GPR61: variants seen among roughly 807,000 people sequenced by gnomAD.
GPR61 encodes the protein G-protein coupled receptor 61.
GPR61 carries 15 observed loss-of-function variants against 29.2 expected under a neutral mutation model. The ratio of observed to expected loss-of-function variants is 0.51; its 90% CI spans 0.34 to 0.79. GPR61 has a LOEUF of 0.79. Among genes scored for constraint, GPR61 ranks in the 30% least tolerant of loss-of-function variants. GPR61 has a pLI of 0.01. For missense variants in GPR61, 399 were observed against 582.5 expected (o/e 0.69, Z 3.24); for synonymous variants, 238 against 242.3 (o/e 0.98, Z 0.17).
chr1:109,540,350 C>T (rs941332796), intron 1 of GPR61, among the ~76,000 whole-genome samples: 4 of 152,186 alleles, frequency 2.6e-5, no homozygotes, highest in Non-Finnish European at 4.4e-5. Context: ...TGGAAATCTT[C>T]CCTAGCTTAG....
chr1:109,544,110 C>T lies in GPR61; in HGVS notation c.1088C>T (p.Ala363Val). 6.2e-7 allele frequency: 1 copy of T among 1,614,224 alleles called. No individual in the cohort carries two copies. The highest frequency in any genetic ancestry group is 1.1e-5 in the South Asian group (1 of 91,090). ...CAGTTTGTCTGCTTCTTCAAGCCAG[C>T]TCCAGAGGAGGAGCTGAGGCTGCCT... ...SKQFVCFFKPAPEEELRLPSR... is the reference protein window; with the variant it reads ...SKQFVCFFKPVPEEELRLPSR... Residue 363 changes from alanine to valine, a missense_variant, in exon 2 of 2, where the codon GCT becomes GTT. Ala to Val is a moderately conservative substitution (Grantham distance 64). This residue lies in a region of GPR61 where 320 missense variants were observed against 459.8 expected (regional missense o/e 0.70). Transcript: ENST00000527748. The surrounding 1 kb of genome is among the most constrained non-coding windows in gnomAD (Gnocchi z 4.6).
intron 1 of GPR61, among the ~76,000 whole-genome samples, chr1:109,542,168 G>A (rs969430600): frequency 1.3e-4 from 20 of 152,182 alleles, no homozygotes; most frequent in Non-Finnish European, 2.5e-4. Flanking sequence ...CTAGCTGTGC[G>A]ACCTTGGGTA....
In GPR61 at chr1:109,544,512, T is replaced by A. The variant is rs1647741919; in HGVS notation, c.*134T>A. 2 of 671,922 alleles carry A rather than the reference T, an allele frequency of 3.0e-6. No individual in the cohort carries two copies. Among genetic ancestry groups the A allele is most frequent in the East Asian group, 5.5e-5 (2 of 36,652 alleles). 41.6% of individuals were successfully genotyped at this position (671,922 alleles called of 1,614,324 possible). ...CTGCACACAGCTTTTGCTTAGTGTTTCCTGGGTCAGGAACAGAGCCAACAG... is the reference window on the plus strand; with the variant it reads ...CTGCACACAGCTTTTGCTTAGTGTTACCTGGGTCAGGAACAGAGCCAACAG... On this transcript the variant is annotated 3_prime_UTR_variant, in exon 2 of 2. Transcript: ENST00000527748. The surrounding 1 kb of genome is among the most constrained non-coding windows in gnomAD (Gnocchi z 4.6).
chr1:109,540,514 C>T (rs1647599572), intron 1 of GPR61, among the ~76,000 whole-genome samples: 1 of 152,212 alleles, frequency 6.6e-6, no homozygotes, highest in Non-Finnish European at 1.5e-5. Context: ...GACCATGCCC[C>T]TGCTAGAGGC....
Position 109,543,886 on chromosome 1 carries a change from TCTC to T in GPR61, c.867_869del (p.Leu290del). The T allele has an allele frequency of 1.2e-6, 2 of 1,613,592 alleles. No homozygotes were observed. Among genetic ancestry groups the T allele is most frequent in the South Asian group, 2.2e-5 (2 of 91,090 alleles). On this transcript the variant is annotated inframe_deletion, in exon 2 of 2. Coordinates refer to ENST00000527748, the MANE Select transcript of GPR61 (RefSeq NM_001393907.1). This position sits in a 1 kb window ranked among gnomAD's most constrained non-coding sequence, Gnocchi z 6.8. ...TTGGGGGAGGGAAAGCAGCAGTGGT[TCTC>T]CTGGCTGTGGGGGGACAGTTCCTGC...
Position 109,543,703 on chromosome 1 carries a change from C to T in GPR61, c.681C>T (p.Val227=). ...TGCCCCTGCTCCTCATACTTGTGGTCTACTGCAGCATGTTCCGAGTGGCCC... is the reference window on the plus strand; with the variant it reads ...TGCCCCTGCTCCTCATACTTGTGGTTTACTGCAGCATGTTCCGAGTGGCCC... ...FLLPLLLILV[V]YCSMFRVARV... The change falls in exon 2 of 2, where the codon GTC becomes GTT. Residue 227 remains valine, a synonymous_variant. Coordinates refer to ENST00000527748, the MANE Select transcript of GPR61 (RefSeq NM_001393907.1). This position sits in a 1 kb window ranked among gnomAD's most constrained non-coding sequence, Gnocchi z 6.8. The T allele has an allele frequency of 3.1e-6, 5 of 1,613,684 alleles. No homozygotes were observed. The highest frequency in any genetic ancestry group is 1.6e-4 in the Middle Eastern group (1 of 6,062).
At position 109,539,892 on chromosome 1, in the gene GPR61, AG is replaced by A. The variant is rs1647581952; in HGVS notation, c.-662del. On this transcript the variant is annotated 5_prime_UTR_variant, in exon 1 of 2. Transcript: ENST00000527748. The stretch of plus-strand genomic sequence containing the variant: ...TCACTGCAGTGCTTCAGGCTTCAGC[AG>A]CCTTGGAGAAGCATCAGCTGAGAGG... 6.6e-6 allele frequency: 1 copy of A among 152,230 alleles called. No homozygotes were observed. Among genetic ancestry groups the A allele is most frequent in the Admixed American group, 6.5e-5 (1 of 15,286 alleles). The allele number at this position is 152,230 out of a possible 1,614,324, so 9.4% of individuals were successfully genotyped here. A position where few individuals can be genotyped will look rare whatever the true frequency, so the allele number is the denominator to read the frequency against.
At position 109,546,122 on chromosome 1, in the gene GPR61, T is replaced by C. The variant is rs569583933; in HGVS notation, c.*1744T>C. The C allele has an allele frequency of 5.3e-5, 8 of 152,146 alleles. No individual in the cohort carries two copies. Among genetic ancestry groups the C allele is most frequent in the African/African-American group, 1.9e-4 (8 of 41,430 alleles). The allele number at this position is 152,146 out of a possible 1,614,324, so 9.4% of individuals were successfully genotyped here. On this transcript the variant is annotated 3_prime_UTR_variant, in exon 2 of 2. Transcript: ENST00000527748. Reference sequence around the variant, plus strand: ...AGCTTCCTGCAGATTGTGGAAAGCATAGGGGTTGTAAATGAAACTCTCTAA... The same window carrying C: ...AGCTTCCTGCAGATTGTGGAAAGCACAGGGGTTGTAAATGAAACTCTCTAA...
chr1:109,542,728 G>C lies in GPR61; in HGVS notation c.-295G>C, dbSNP rs537465757. ...AAAAGGAAGAGGTGAAGGCCATTCC[G>C]AAAGCGGAGTGTTGAGTGGGTCAGG... On this transcript the variant is annotated 5_prime_UTR_variant, in exon 2 of 2. Transcript: ENST00000527748. 1 of 617,562 alleles carries C rather than the reference G, an allele frequency of 1.6e-6. No individual in the cohort carries two copies. The highest frequency in any genetic ancestry group is 3.4e-5 in the East Asian group (1 of 29,108). The allele number at this position is 617,562 out of a possible 1,614,324, so 38.3% of individuals were successfully genotyped here.
chr1:109,540,117 T>C (rs553922620), intron 1 of GPR61, 164 bp downstream of exon 1: 3 of 152,192 alleles, frequency 2.0e-5, no homozygotes, highest in African/African-American at 7.2e-5. Context: ...AAAGGCGGTA[T>C]TGGGGTGTGG....
intron 1 of GPR61, among the ~76,000 whole-genome samples, chr1:109,540,808 G>A (rs1218640187): frequency 2.0e-5 from 3 of 152,218 alleles, no homozygotes; most frequent in East Asian, 3.8e-4. Context: ...GCATTTAGGA[G>A]TCACTGTGGA....
Position 109,542,873 on chromosome 1 carries a change from C to T in GPR61, c.-150C>T, listed in dbSNP as rs763826880. ...CAGCTGCCTGGCCTGGCGCTCTGTA[C>T]GCAGACAAACCTGCCCAAGAGGCTC... is the stretch of plus-strand genomic sequence containing the variant. On this transcript the variant is annotated 5_prime_UTR_variant, in exon 2 of 2. The change creates a new upstream start codon in the 5' untranslated region. Coordinates refer to ENST00000527748, the MANE Select transcript of GPR61 (RefSeq NM_001393907.1). 5.5e-5 allele frequency: 60 copies of T among 1,100,526 alleles called. No homozygotes were observed. Among genetic ancestry groups the T allele is most frequent in the Non-Finnish European group, 7.0e-5 (52 of 743,940 alleles). The allele number at this position is 1,100,526 out of a possible 1,614,324, so 68.2% of individuals were successfully genotyped here. A position where few individuals can be genotyped will look rare whatever the true frequency, so the allele number is the denominator to read the frequency against.
At position 109,543,863 on chromosome 1, in the gene GPR61, G is replaced by C; in HGVS notation, c.841G>C (p.Gly281Arg). The change falls in exon 2 of 2, where the codon GGG becomes CGG. Residue 281 changes from glycine to arginine, a missense_variant. By Grantham distance (125) the Gly-to-Arg change is moderately radical. This residue lies in a region of GPR61 where 320 missense variants were observed against 459.8 expected (regional missense o/e 0.70). Transcript: ENST00000527748. This position sits in a 1 kb window ranked among gnomAD's most constrained non-coding sequence, Gnocchi z 6.8. Reference protein sequence around the residue: ...APQTTPHRTFGGGKAAVVLLA... With the variant: ...APQTTPHRTFRGGKAAVVLLA... The stretch of plus-strand genomic sequence containing the variant: ...CCAGACCACCCCACACCGGACGTTT[G>C]GGGGAGGGAAAGCAGCAGTGGTTCT... The C allele has an allele frequency of 7.4e-6, 12 of 1,613,066 alleles. No individual in the cohort carries two copies. Among genetic ancestry groups the C allele is most frequent in the Non-Finnish European group, 1.0e-5 (12 of 1,179,944 alleles).
chr1:109,545,843 TAAC>T lies in GPR61; in HGVS notation c.*1470_*1472del, dbSNP rs1647782564. The T allele has an allele frequency of 6.6e-6, 1 of 152,204 alleles. No homozygotes were observed. The highest frequency in any genetic ancestry group is 1.5e-5 in the Non-Finnish European group (1 of 68,034). The allele number at this position is 152,204 out of a possible 1,614,324, so 9.4% of individuals were successfully genotyped here. Reference sequence around the variant, plus strand: ...TTTTTATGATAAAAGGTTATACTGATAACAACATTGACTCCTTTAGTTCAATTC... The same window carrying T: ...TTTTTATGATAAAAGGTTATACTGATAACATTGACTCCTTTAGTTCAATTC... On this transcript the variant is annotated 3_prime_UTR_variant, in exon 2 of 2. Transcript: ENST00000527748.
In GPR61 at chr1:109,545,932, C is replaced by G. The variant is rs1557898991; in HGVS notation, c.*1554C>G. 6.6e-6 allele frequency: 1 copy of G among 152,204 alleles called. No individual in the cohort carries two copies. The allele number at this position is 152,204 out of a possible 1,614,324, so 9.4% of individuals were successfully genotyped here. ...ACCCACACAGGGCGTGTGGTCATTG[C>G]TTTTAAGGAGTTCATAGTCTAAGTT... On this transcript the variant is annotated 3_prime_UTR_variant, in exon 2 of 2. Transcript: ENST00000527748.
chr1:109,542,855 C>A lies in GPR61; in HGVS notation c.-168C>A. On this transcript the variant is annotated 5_prime_UTR_variant, in exon 2 of 2. It adds an upstream start codon to the 5' untranslated region. Coordinates refer to ENST00000527748, the MANE Select transcript of GPR61 (RefSeq NM_001393907.1). ...GATGAGCTTCTGATCCTTCAGCTGC[C>A]TGGCCTGGCGCTCTGTACGCAGACA... The A allele has an allele frequency of 1.1e-6, 1 of 918,638 alleles. No homozygotes were observed. The highest frequency in any genetic ancestry group is 1.7e-6 in the Non-Finnish European group (1 of 580,620). 56.9% of individuals were successfully genotyped at this position (918,638 alleles called of 1,614,324 possible).
chr1:109,541,593 A>G (rs1164783736), intron 1 of GPR61, among the ~76,000 whole-genome samples: 1 of 152,200 alleles, frequency 6.6e-6, no homozygotes, highest in Non-Finnish European at 1.5e-5. Flanking sequence ...TTTTAAACTG[A>G]GCAACCTCAG....
Position 109,543,520 on chromosome 1 carries a change from G to T in GPR61, c.498G>T (p.Val166=). Reference sequence around the variant, plus strand: ...TGGTGGCCTCTGTGCTGGTGGGTGTGTGGGTGAAGGCCTTGGCCATGGCTT... The same window carrying T: ...TGGTGGCCTCTGTGCTGGTGGGTGTTTGGGTGAAGGCCTTGGCCATGGCTT... ...LGLVASVLVG[V]WVKALAMASV... is the part of the protein sequence containing the mutation. Residue 166 remains valine (V), a synonymous_variant, in exon 2 of 2, where the codon GTG becomes GTT. Coordinates refer to ENST00000527748, the MANE Select transcript of GPR61 (RefSeq NM_001393907.1). This position sits in a 1 kb window ranked among gnomAD's most constrained non-coding sequence, Gnocchi z 6.8. The T allele has an allele frequency of 1.9e-6, 3 of 1,614,182 alleles. No homozygotes were observed. Among genetic ancestry groups the T allele is most frequent in the Non-Finnish European group, 2.5e-6 (3 of 1,180,008 alleles).
Position 109,544,153 on chromosome 1 carries a change from T to C in GPR61, c.1131T>C (p.Ile377=), listed in dbSNP as rs1271414814. The C allele has an allele frequency of 6.2e-7, 1 of 1,614,090 alleles. No homozygotes were observed. The highest frequency in any genetic ancestry group is 1.7e-5 in the Admixed American group (1 of 60,034). Reference sequence around the variant, plus strand: ...GGCTGCCTAGCCGGGAGGGCTCCATTGAGGAGAACTTCCTGCAGTTCCTTC... The same window carrying C: ...GGCTGCCTAGCCGGGAGGGCTCCATCGAGGAGAACTTCCTGCAGTTCCTTC... ...ELRLPSREGS[I]EENFLQFLQG... Residue 377 remains isoleucine, a synonymous_variant, in exon 2 of 2, where the codon ATT becomes ATC. Transcript: ENST00000527748. The surrounding 1 kb of genome is among the most constrained non-coding windows in gnomAD (Gnocchi z 4.6).
Sources: allele counts gnomAD v4.1 joint callset (sites outside exome capture counted in the v4.1 genomes callset), GRCh38; gene constraint gnomAD v4.1.1; regional missense constraint gnomAD v4.1.1; non-coding constraint Gnocchi (gnomAD v3.1); transcripts MANE v1.5; gene names NCBI Gene and HGNC (gene_info 2026-07-23, HGNC 2026-07-21).